Variants in GADL1 observed in about 807,000 individuals in gnomAD.
The protein encoded by GADL1 is GAD like acidic amino acid decarboxylase 1.
Under a neutral mutation model 69.5 loss-of-function variants are expected in GADL1, and 71 were observed. The observed-to-expected ratio is 1.02, with a 90% CI of 0.84 to 1.25. The LOEUF is 1.25. GADL1 is among the 50% of genes most tolerant of loss of function. GADL1 has a pLI of 0.00. For missense variants in GADL1, 737 were observed against 631.8 expected (o/e 1.17, Z -1.79); for synonymous variants, 254 against 214.4 (o/e 1.18, Z -1.62).
chr3:30,764,791 G>A (rs141406636), intron 14 of GADL1, among the ~76,000 whole-genome samples: 4 of 152,318 alleles, frequency 2.6e-5, no homozygotes, highest in African/African-American at 9.6e-5. Context: ...ACCCCAGGTT[G>A]TACTGACAAT....
chr3:30,776,011 G>A (rs1249676377), intron 14 of GADL1, among the ~76,000 whole-genome samples: 2 of 152,232 alleles, frequency 1.3e-5, no homozygotes, highest in Middle Eastern at 3.4e-3. Flanking sequence ...GCTTGAACCC[G>A]AGAGGCGGAG....
intron 12 of GADL1, among the ~76,000 whole-genome samples, chr3:30,787,602 C>T (rs1437066745): frequency 6.6e-6 from 1 of 152,038 alleles, no homozygotes; most frequent in African/African-American, 2.4e-5. Context: ...AGCAAAAAAT[C>T]ACACCGAACA....
At chr3:30,739,176 T>C (rs1695580010) in intron 14 of GADL1, among the ~76,000 whole-genome samples, 2 of 152,324 alleles carry the variant, frequency 1.3e-5, no homozygotes, top group East Asian at 3.9e-4. Context: ...TTATAGTAGA[T>C]GCAGGGGCCT....
intron 8 of GADL1, 117 bp from the exon 9 acceptor site, chr3:30,839,230 A>G: frequency 1.7e-6 from 1 of 600,234 alleles, no homozygotes; most frequent in Non-Finnish European, 2.8e-6. Context: ...TTTTGGAGGT[A>G]GTCATTAATT....
chr3:30,762,633 AC>A (rs1228369247), intron 14 of GADL1, among the ~76,000 whole-genome samples: 2 of 152,162 alleles, frequency 1.3e-5, no homozygotes, highest in African/African-American at 4.8e-5. Context: ...TCCCAACCAC[AC>A]TTTTTAAGTT....
At chr3:30,778,093 T>A in intron 14 of GADL1, 86 bp downstream of exon 14, 1 of 778,426 alleles carries the variant, frequency 1.3e-6, no homozygotes. Flanking sequence ...CTGTGCTTGC[T>A]AGGCCCTCTT....
chr3:30,886,620 T>C (rs1368765686), intron 1 of GADL1, among the ~76,000 whole-genome samples: 4 of 152,164 alleles, frequency 2.6e-5, no homozygotes, highest in Admixed American at 6.5e-5. Flanking sequence ...TGAGGTAGAA[T>C]GACTTCTCAG....
chr3:30,797,477 A>G (rs561919512), intron 12 of GADL1, among the ~76,000 whole-genome samples: 85 of 152,314 alleles, frequency 5.6e-4, no homozygotes, highest in African/African-American at 1.9e-3. Context: ...TTCTACATGT[A>G]TCAATTCCTT....
intron 9 of GADL1, among the ~76,000 whole-genome samples, chr3:30,837,504 A>C (rs909945865): frequency 6.6e-6 from 1 of 152,158 alleles, no homozygotes; most frequent in African/African-American, 2.4e-5. Context: ...TTTAATTTTT[A>C]GAAAACCTGA....
intron 11 of GADL1, among the ~76,000 whole-genome samples, chr3:30,803,887 A>G (rs1697205977): frequency 6.6e-6 from 1 of 152,216 alleles, no homozygotes; most frequent in Admixed American, 6.5e-5. Flanking sequence ...ACATTGTTGA[A>G]AATAGTTATT....
chr3:30,775,948 G>T (rs957510772), intron 14 of GADL1, among the ~76,000 whole-genome samples: 2 of 152,148 alleles, frequency 1.3e-5, no homozygotes, highest in African/African-American at 4.8e-5. Flanking sequence ...AGCTAAGCAT[G>T]ATGGTGGGTG....
At chr3:30,770,598 T>TGTA (rs57890817) in intron 14 of GADL1, among the ~76,000 whole-genome samples, 1 of 151,776 alleles carries the variant, frequency 6.6e-6, no homozygotes, top group South Asian at 2.1e-4. Context: ...TGTTTACTGT[T>TGTA]AGCTGTGGGT....
intron 11 of GADL1, among the ~76,000 whole-genome samples, chr3:30,826,397 C>T (rs1207437272): frequency 6.6e-6 from 1 of 151,816 alleles, no homozygotes; most frequent in Non-Finnish European, 1.5e-5. Flanking sequence ...AGGCTGGCTG[C>T]CAAGATGAGT....
intron 2 of GADL1, among the ~76,000 whole-genome samples, chr3:30,858,213 T>A (rs373748489): frequency 3.6e-4 from 55 of 152,032 alleles, no homozygotes; most frequent in African/African-American, 1.3e-3. Flanking sequence ...TCAATAAAGA[T>A]GTGTTGAATA....
chr3:30,816,703 C>CCCTGGCTA (rs1328519420), intron 11 of GADL1, among the ~76,000 whole-genome samples: 1 of 151,560 alleles, frequency 6.6e-6, no homozygotes, highest in Non-Finnish European at 1.5e-5. Context: ...ATGCCACCAT[C>CCCTGGCTA]CCTGGCTACT....
In GADL1 at chr3:30,740,793, C is replaced by A. The variant is rs548959079; in HGVS notation, c.1393-12378G>T. ...TTTTTCTTACAAATTTAGAAAAACC[C>A]TTTATTATTAAGAACATTAATTCTG... On this transcript the variant is annotated intron_variant, in intron 14 of 14. Transcript: ENST00000282538. 4.4e-4 allele frequency among the ~76,000 whole-genome samples: 66 copies of A among 150,578 alleles called. 1 individual carries two copies. In the Admixed American group the frequency reaches 4.4e-3, roughly 10 times the overall value.
Position 30,861,713 on chromosome 3 carries a change from C to T in GADL1, c.90G>A (p.Val30=). ...MIPSKKNAVL[V]DGVVLNGPTT... ...TAGGACCATTCAGCACAACCCCATC[C>T]ACAAGAACAGCATTCTTCTTACTTG... The change falls in exon 2 of 15, where the codon GTG becomes GTA. Residue 30 remains valine (V), a synonymous_variant. Transcript: ENST00000282538. 1 of 1,549,254 alleles carries T rather than the reference C, an allele frequency of 6.5e-7. No homozygotes were observed. The highest frequency in any genetic ancestry group is 1.7e-4 in the Middle Eastern group (1 of 5,980).
At chr3:30,840,846 A>G (rs914109636) in intron 8 of GADL1, among the ~76,000 whole-genome samples, 13 of 152,368 alleles carry the variant, frequency 8.5e-5, no homozygotes, top group African/African-American at 2.9e-4. Flanking sequence ...TATTGATGGC[A>G]TGCTGCCAGT....
At chr3:30,861,991 C>T (rs756921839) in intron 1 of GADL1, among the ~76,000 whole-genome samples, 1 of 151,780 alleles carries the variant, frequency 6.6e-6, no homozygotes, top group Non-Finnish European at 1.5e-5. Flanking sequence ...AGTAAATCTA[C>T]CTTATTATAT....
Sources: allele counts gnomAD v4.1 joint callset (sites outside exome capture counted in the v4.1 genomes callset), GRCh38; gene constraint gnomAD v4.1.1; transcripts MANE v1.5; gene names NCBI Gene and HGNC (gene_info 2026-07-23, HGNC 2026-07-21).